ZNF790: variants seen among roughly 807,000 people sequenced by gnomAD.
ZNF790 encodes the protein zinc finger protein 790.
ZNF790 carries 8 observed loss-of-function variants against 12.1 expected under a neutral mutation model. The ratio of observed to expected loss-of-function variants is 0.66; its 90% CI spans 0.39 to 1.19. ZNF790 has a LOEUF of 1.19. Ranked by LOEUF, ZNF790 falls within the 50% of genes most tolerant of loss-of-function variation. ZNF790 has a pLI of 0.01. For missense variants in ZNF790, 707 were observed against 752.2 expected (o/e 0.94, Z 0.70); for synonymous variants, 252 against 244.3 (o/e 1.03, Z -0.29).
chr19:36,843,665 A>G (rs961245154), intron 1 of ZNF790, among the ~76,000 whole-genome samples: 2 of 152,188 alleles, frequency 1.3e-5, no homozygotes, highest in Non-Finnish European at 1.5e-5. Flanking sequence ...TTAATTTTAA[A>G]AAGTATTAAG....
intron 4 of ZNF790, among the ~76,000 whole-genome samples, chr19:36,821,153 C>G (rs949907338): frequency 6.7e-6 from 1 of 149,998 alleles, no homozygotes; most frequent in Non-Finnish European, 1.5e-5. Flanking sequence ...TCCTCTGTGA[C>G]TCTTTTTTCT....
intron 1 of ZNF790, among the ~76,000 whole-genome samples, chr19:36,826,990 T>A (rs2071819411): frequency 6.7e-6 from 1 of 150,134 alleles, no homozygotes; most frequent in Admixed American, 6.7e-5. Flanking sequence ...GCAGATATAA[T>A]AAGCAAATGA....
intron 1 of ZNF790, among the ~76,000 whole-genome samples, chr19:36,836,939 A>G (rs1600669785): frequency 6.6e-6 from 1 of 152,168 alleles, no homozygotes; most frequent in East Asian, 1.9e-4. Context: ...TTGCAAGACC[A>G]TCATTAAAAG....
intron 1 of ZNF790, among the ~76,000 whole-genome samples, chr19:36,844,776 C>T (rs1389955093): frequency 2.6e-5 from 4 of 151,938 alleles, no homozygotes; most frequent in Admixed American, 1.3e-4. Flanking sequence ...GGGCCGGGCG[C>T]GGTGGCTCAC....
In ZNF790 at chr19:36,825,628, A is replaced by G. The variant is rs780798832; in HGVS notation, c.-9T>C. 3.1e-6 allele frequency: 5 copies of G among 1,614,006 alleles called. No homozygotes were observed. The East Asian group carries it at 1.1e-4, about 36-fold the overall frequency. ...CAACTCACATGGGCCATGACTTAAC[A>G]TTCCAAGTCCACCAGTCCTTCTCTG... On this transcript the variant is annotated 5_prime_UTR_variant, in exon 2 of 5. It removes an upstream start codon present in the reference 5' UTR. Coordinates refer to ENST00000356725, the MANE Select transcript of ZNF790 (RefSeq NM_206894.4).
chr19:36,819,528 A>T lies in ZNF790; in HGVS notation c.816T>A (p.His272Gln), dbSNP rs769462885. The T allele has an allele frequency of 6.2e-7, 1 of 1,613,196 alleles. No individual in the cohort carries two copies. The highest frequency in any genetic ancestry group is 8.5e-7 in the Non-Finnish European group (1 of 1,179,442). The change falls in exon 5 of 5, where the codon CAT becomes CAA. Residue 272 changes from histidine to glutamine, a missense_variant. Transcript: ENST00000356725. ...AFRFHSQLSV[H>Q]KRIHTGEKSY... Reference sequence around the variant, plus strand: ...ATTTCTCACCAGTATGAATTCGCTTATGGACACTAAGTTGTGAATGAAATC... The same window carrying T: ...ATTTCTCACCAGTATGAATTCGCTTTTGGACACTAAGTTGTGAATGAAATC...
Position 36,818,016 on chromosome 19 carries a change from T to A in ZNF790, c.*417A>T, listed in dbSNP as rs2071583000. The A allele has an allele frequency of 6.5e-6, 1 of 154,666 alleles. No homozygotes were observed. 9.6% of individuals were successfully genotyped at this position (154,666 alleles called of 1,614,324 possible). A position where few individuals can be genotyped will look rare whatever the true frequency, so the allele number is the denominator to read the frequency against. The stretch of plus-strand genomic sequence containing the variant: ...TTTTGTATATTTAGTAGAGACAGGG[T>A]TTCACCATGTTGGTCAGGCTGGTCT... On this transcript the variant is annotated 3_prime_UTR_variant, in exon 5 of 5. Transcript: ENST00000356725.
chr19:36,825,045 T>A, intron 2 of ZNF790, among the ~76,000 whole-genome samples: 1 of 152,166 alleles, frequency 6.6e-6, no homozygotes, highest in East Asian at 1.9e-4. Flanking sequence ...TTTTTGTCGA[T>A]ACCACTGAGA....
At chr19:36,845,261 C>A (rs1039215865) in intron 1 of ZNF790, among the ~76,000 whole-genome samples, 2 of 151,394 alleles carry the variant, frequency 1.3e-5, no homozygotes, top group East Asian at 3.9e-4. Context: ...TACAAAAAAT[C>A]AAAAATTAGC....
Position 36,818,531 on chromosome 19 carries a change from CAA to C in ZNF790, c.1811_1812del (p.Phe604CysfsTer10), listed in dbSNP as rs771703121. 6.9e-6 allele frequency: 11 copies of C among 1,602,496 alleles called. No individual in the cohort carries two copies. In the South Asian group the frequency reaches 1.1e-4, roughly 16 times the overall value. On this transcript the variant is annotated frameshift_variant, in exon 5 of 5. Transcript: ENST00000356725. LOFTEE classifies it low-confidence loss of function (END_TRUNC). The part of the protein sequence containing the change: ...YGNTFSHESN[F>X]AQHQNIYTFE... Reference sequence around the variant, plus strand: ...AAAGTGTAAATATTCTGGTGTTGAGCAAAGTTTGACTCATGACTAAAGGTGTT... The same window carrying C: ...AAAGTGTAAATATTCTGGTGTTGAGCAGTTTGACTCATGACTAAAGGTGTT...
chr19:36,824,431 C>G (rs1043810293), intron 2 of ZNF790, among the ~76,000 whole-genome samples: 4 of 152,062 alleles, frequency 2.6e-5, no homozygotes, highest in African/African-American at 9.7e-5. Context: ...CCCAGCCACC[C>G]TAACAGCTGG....
At chr19:36,835,956 T>G (rs1356210278) in intron 1 of ZNF790, among the ~76,000 whole-genome samples, 1 of 152,084 alleles carries the variant, frequency 6.6e-6, no homozygotes, top group East Asian at 1.9e-4. Context: ...GTTCTTAACT[T>G]TATCCCCTTT....
At chr19:36,827,141 C>CATATATATATATAT (rs369671729) in intron 1 of ZNF790, among the ~76,000 whole-genome samples, 71 of 84,432 alleles carry the variant, frequency 8.4e-4, no homozygotes, top group Middle Eastern at 6.2e-3. Flanking sequence ...CACACACACA[C>CATATATATATATAT]ATATATATAT....
At position 36,817,670 on chromosome 19, in the gene ZNF790, AAAAT is replaced by A. The variant is rs1234331071; in HGVS notation, c.*759_*762del. ...GATTTAAGATACTTTCCAAAAAAAA[AAAAT>A]AGAGGCAGGATGTATTGAAACAAGA... On this transcript the variant is annotated 3_prime_UTR_variant, in exon 5 of 5. Coordinates refer to ENST00000356725, the MANE Select transcript of ZNF790 (RefSeq NM_206894.4). The A allele has an allele frequency of 1.3e-5, 2 of 152,184 alleles. No individual in the cohort carries two copies. Among genetic ancestry groups the A allele is most frequent in the Non-Finnish European group, 2.9e-5 (2 of 68,022 alleles). The allele number at this position is 152,184 out of a possible 1,614,324, so 9.4% of individuals were successfully genotyped here. A position where few individuals can be genotyped will look rare whatever the true frequency, so the allele number is the denominator to read the frequency against.
chr19:36,836,797 C>G (rs988272978), intron 1 of ZNF790, among the ~76,000 whole-genome samples: 3 of 152,118 alleles, frequency 2.0e-5, no homozygotes, highest in African/African-American at 7.2e-5. Flanking sequence ...CCCTACCCAA[C>G]AATCAATAGG....
chr19:36,837,914 C>G (rs1018186717), intron 1 of ZNF790: 3 of 152,392 alleles, frequency 2.0e-5, no homozygotes, highest in African/African-American at 7.2e-5. Flanking sequence ...CCCACACATT[C>G]ACGAAGGACT....
At chr19:36,826,782 T>G (rs1446563059) in intron 1 of ZNF790, among the ~76,000 whole-genome samples, 1 of 150,828 alleles carries the variant, frequency 6.6e-6, no homozygotes, top group Non-Finnish European at 1.5e-5. Flanking sequence ...GAAATAAAGG[T>G]AATCATGGTT....
chr19:36,825,081 C>T (rs2071768150), intron 2 of ZNF790, among the ~76,000 whole-genome samples: 1 of 152,134 alleles, frequency 6.6e-6, no homozygotes, highest in African/African-American at 2.4e-5. Flanking sequence ...GAATAACTAG[C>T]CCTGGATTGT....
Position 36,819,585 on chromosome 19 carries a change from AG to A in ZNF790, c.758del (p.Pro253LeufsTer101). 1 of 1,610,486 alleles carries A rather than the reference AG, an allele frequency of 6.2e-7. No individual in the cohort carries two copies. On this transcript the variant is annotated frameshift_variant, in exon 5 of 5. Coordinates refer to ENST00000356725, the MANE Select transcript of ZNF790 (RefSeq NM_206894.4). LOFTEE classifies it low-confidence loss of function (END_TRUNC). ...CTTTCCCACAATCCTTACATTTAAA[AG>A]GTTTCTCACCGGTATGAATTCTCTT... ...GHKRIHTGEK[P>X]FKCKDCGKAF...
Sources: gnomAD v4.1 joint callset for allele counts (sites outside exome capture counted in the v4.1 genomes callset) on GRCh38, gnomAD v4.1.1 for gene constraint, MANE v1.5 for transcripts, NCBI Gene and HGNC (gene_info 2026-07-23, HGNC 2026-07-21) for gene names.